Variants in EDNRA observed in about 807,000 individuals in gnomAD.
EDNRA encodes the protein endothelin-1 receptor.
EDNRA carries 11 observed loss-of-function variants against 41.4 expected under a neutral mutation model. The observed-to-expected ratio is 0.27, with a 90% CI of 0.17 to 0.44. EDNRA has a LOEUF of 0.44. Among genes scored for constraint, EDNRA ranks in the 20% least tolerant of loss-of-function variants. The probability of loss-of-function intolerance (pLI) is 1.00; values close to 1 mark genes in which losing one functional copy is unlikely to be tolerated. For synonymous variants in EDNRA, 172 were observed against 183.0 expected (o/e 0.94, Z 0.49); for missense variants, 294 against 531.0 (o/e 0.55, Z 4.39).
In EDNRA at chr4:147,516,404, CT is replaced by C. The variant is rs575980633; in HGVS notation, c.421-3446del. On this transcript the variant is annotated intron_variant, in intron 2 of 7. Transcript: ENST00000651419. ...AGAGTGGGAGCACTACTTTGAGACA[CT>C]GATAAACAACTTTCAAATAGAAAAT... Among the ~76,000 whole-genome samples, 138 of 152,332 alleles carry C rather than the reference CT, an allele frequency of 9.1e-4. 1 individual carries two copies. The highest frequency in any genetic ancestry group is 8.6e-3 in the Admixed American group (132 of 15,292).
chr4:147,513,239 C>A (rs1321867928), intron 2 of EDNRA, among the ~76,000 whole-genome samples: 2 of 152,152 alleles, frequency 1.3e-5, no homozygotes, highest in Non-Finnish European at 2.9e-5. Context: ...GAGTCAAAAC[C>A]ATTTATGGAA....
intron 3 of EDNRA, among the ~76,000 whole-genome samples, chr4:147,529,384 G>C (rs1295461716): frequency 6.6e-6 from 1 of 152,156 alleles, no homozygotes; most frequent in African/African-American, 2.4e-5. Flanking sequence ...ATAGTTAAAT[G>C]ACATTAAAGC....
chr4:147,487,861 T>C (rs1204537281), intron 2 of EDNRA: 2 of 152,364 alleles, frequency 1.3e-5, no homozygotes, highest in South Asian at 2.1e-4. Flanking sequence ...TAAACTATGA[T>C]GCAAAATTGA....
chr4:147,520,534 A>AT (rs1417538232), intron 3 of EDNRA: 2 of 503,758 alleles, frequency 4.0e-6, no homozygotes, highest in Non-Finnish European at 7.9e-6. Flanking sequence ...CGCACGCATG[A>AT]TTGTTAAGCG....
chr4:147,523,543 T>C lies in EDNRA; in HGVS notation c.548+3565T>C, dbSNP rs183401729. On this transcript the variant is annotated intron_variant, in intron 3 of 7. Transcript: ENST00000651419. ...TCTTGCTCTGTGGCCCAGGCTAGAG[T>C]GCAGTGGCTTGATCTCGGCTCACTG... Among the ~76,000 whole-genome samples the C allele has an allele frequency of 9.1e-3, 1,370 of 150,198 alleles. 20 individuals are homozygous for C. The highest frequency in any genetic ancestry group is 0.033 in the African/African-American group (1,315 of 40,340).
intron 3 of EDNRA, among the ~76,000 whole-genome samples, chr4:147,521,631 T>C (rs189971756): frequency 3.3e-5 from 5 of 152,186 alleles, no homozygotes; most frequent in African/African-American, 1.2e-4. Context: ...TATCTAAAAA[T>C]TAAAAGCATT....
intron 3 of EDNRA, among the ~76,000 whole-genome samples, chr4:147,521,576 C>A (rs1238748436): frequency 1.3e-5 from 2 of 152,138 alleles, no homozygotes; most frequent in African/African-American, 4.8e-5. Context: ...TGTTCCCACT[C>A]CCAGCATCCC....
chr4:147,481,765 G>A (rs1304344769), intron 1 of EDNRA, among the ~76,000 whole-genome samples: 2 of 152,214 alleles, frequency 1.3e-5, no homozygotes, highest in Admixed American at 6.5e-5. Flanking sequence ...TGTGAAGTTG[G>A]CTCCACAGCC....
intron 3 of EDNRA, among the ~76,000 whole-genome samples, chr4:147,525,595 CAAA>C (rs58331044): frequency 1.5e-5 from 2 of 132,376 alleles, no homozygotes; most frequent in Non-Finnish European, 1.6e-5. Context: ...TGTTTGGAGG[CAAA>C]AAAAAAAAAA....
In EDNRA at chr4:147,543,884, C is replaced by T. The variant is rs1247714668; in HGVS notation, c.*1266C>T. On this transcript the variant is annotated 3_prime_UTR_variant, in exon 8 of 8. Coordinates refer to ENST00000651419, the MANE Select transcript of EDNRA (RefSeq NM_001957.4). ...ACCTAACTCCCCACCCCAACATCTC[C>T]CTCCCACATTGTCACCATTTCAAAG... 6.6e-6 allele frequency: 1 copy of T among 152,578 alleles called. No individual in the cohort carries two copies. The highest frequency in any genetic ancestry group is 2.4e-5 in the African/African-American group (1 of 41,428). The allele number at this position is 152,578 out of a possible 1,614,324, so 9.5% of individuals were successfully genotyped here.
chr4:147,520,196 T>C (rs1730271746), intron 3 of EDNRA, among the ~76,000 whole-genome samples: 1 of 152,232 alleles, frequency 6.6e-6, no homozygotes, highest in African/African-American at 2.4e-5. Flanking sequence ...TAGAGCATTT[T>C]ATCAAGAATA....
At chr4:147,539,689 G>A in intron 5 of EDNRA, 128 bp from the exon 6 acceptor site, 1 of 1,091,912 alleles carries the variant, frequency 9.2e-7, no homozygotes, top group Non-Finnish European at 1.3e-6. Flanking sequence ...GTGTAAGCCA[G>A]GCTGTTCTCC....
intron 2 of EDNRA, among the ~76,000 whole-genome samples, chr4:147,514,951 T>C (rs1257789488): frequency 1.3e-5 from 2 of 152,166 alleles, no homozygotes; most frequent in Non-Finnish European, 2.9e-5. Flanking sequence ...ATGCAAATTC[T>C]CAGGCCCTGC....
intron 3 of EDNRA, chr4:147,520,444 T>C (rs1214967856): frequency 1.9e-6 from 1 of 519,074 alleles, no homozygotes; most frequent in Admixed American, 1.9e-5. Flanking sequence ...TCATAAGTTT[T>C]AAAAAGAGTG....
chr4:147,506,558 TAAAC>T (rs1560902518), intron 2 of EDNRA: 7 of 280,766 alleles, frequency 2.5e-5, no homozygotes, highest in Admixed American at 8.3e-5. Flanking sequence ...CTCCAGCTAA[TAAAC>T]AACACGTTTC....
In EDNRA at chr4:147,532,602, C is replaced by A. The variant is rs1189575353; in HGVS notation, c.645C>A (p.Ile215=). The A allele has an allele frequency of 3.7e-6, 6 of 1,614,074 alleles. No homozygotes were observed. The highest frequency in any genetic ancestry group is 4.2e-6 in the Non-Finnish European group (5 of 1,180,002). Residue 215 remains isoleucine (I), a synonymous_variant, in exon 4 of 8, where the codon ATC becomes ATA. Coordinates refer to ENST00000651419, the MANE Select transcript of EDNRA (RefSeq NM_001957.4). The stretch of plus-strand genomic sequence containing the variant: ...TCTCCATCTGGATCCTGTCCTTTAT[C>A]CTGGCCATTCCTGAAGCGATTGGCT... The part of the protein sequence containing the change: ...EIVSIWILSF[I]LAIPEAIGFV...
chr4:147,539,252 GA>G (rs1204504428), intron 5 of EDNRA, among the ~76,000 whole-genome samples: 1 of 151,712 alleles, frequency 6.6e-6, no homozygotes, highest in Admixed American at 6.6e-5. Context: ...TCAAGATCAG[GA>G]AAAGGAAAAA....
At position 147,481,220 on chromosome 4, in the gene EDNRA, T is replaced by G. The variant is rs1728739857; in HGVS notation, c.-227T>G. 1 of 152,746 alleles carries G rather than the reference T, an allele frequency of 6.5e-6. No homozygotes were observed. Among genetic ancestry groups the G allele is most frequent in the Admixed American group, 6.5e-5 (1 of 15,278 alleles). 9.5% of individuals were successfully genotyped at this position (152,746 alleles called of 1,614,324 possible). A position where few individuals can be genotyped will look rare whatever the true frequency, so the allele number is the denominator to read the frequency against. ...CCGGGAGAAGCAGTGCCCAGGAGGT[T>G]TTCTGAAGCCGGGGAAGCTGTGCAG... On this transcript the variant is annotated 5_prime_UTR_variant, in exon 1 of 8. Coordinates refer to ENST00000651419, the MANE Select transcript of EDNRA (RefSeq NM_001957.4).
rs561555165 is a variant in EDNRA at position 147,519,349 on chromosome 4, A to G, written c.421-502A>G. Among the ~76,000 whole-genome samples, 1 of 152,240 alleles carries G rather than the reference A, an allele frequency of 6.6e-6. No homozygotes were observed. The highest frequency in any genetic ancestry group is 2.4e-5 in the African/African-American group (1 of 41,538). On this transcript the variant is annotated intron_variant, in intron 2 of 7. Transcript: ENST00000651419. The surrounding 1 kb of genome is among the most constrained non-coding windows in gnomAD (Gnocchi z 4.1). ...AGAGACAATATAATCTGCCAATTCCAGTAGTTGAAATTATTTGCTTTACTC... is the reference window on the plus strand; with the variant it reads ...AGAGACAATATAATCTGCCAATTCCGGTAGTTGAAATTATTTGCTTTACTC...
Sources: allele counts gnomAD v4.1 joint callset (sites outside exome capture counted in the v4.1 genomes callset), GRCh38; gene constraint gnomAD v4.1.1; non-coding constraint Gnocchi (gnomAD v3.1); transcripts MANE v1.5; gene names NCBI Gene and HGNC (gene_info 2026-07-23, HGNC 2026-07-21).